Variants in OPCML observed in about 807,000 individuals in gnomAD.
OPCML encodes opioid binding protein/cell adhesion molecule like, also known as opioid-binding protein/cell adhesion molecule.
A neutral mutation model predicts 37.8 loss-of-function variants in OPCML; 13 were observed. The ratio of observed to expected loss-of-function variants is 0.34; its 90% CI spans 0.22 to 0.55. The LOEUF is 0.55. OPCML is among the 20% of genes least tolerant of loss of function. The pLI is 0.91. For synonymous variants in OPCML, 176 were observed against 168.8 expected, an observed-to-expected ratio of 1.04 and a Z score of -0.33; for missense variants, 341 against 435.6, an observed-to-expected ratio of 0.78 and a Z score of 1.93.
At chr11:132,612,130 G>T (rs912087257) in intron 3 of OPCML, among the ~76,000 whole-genome samples, 87 of 152,292 alleles carry the variant, frequency 5.7e-4, no homozygotes, top group African/African-American at 1.8e-3. Flanking sequence ...AATGATTTGG[G>T]CTGATTTATA....
intron 1 of OPCML, among the ~76,000 whole-genome samples, chr11:133,104,577 T>C (rs911854220): frequency 1.4e-4 from 21 of 152,350 alleles, no homozygotes; most frequent in African/African-American, 5.1e-4. Context: ...AATTAAAACA[T>C]GAACTCAGAG....
chr11:133,390,903 T>C (rs1945160925), intron 1 of OPCML, among the ~76,000 whole-genome samples: 1 of 152,180 alleles, frequency 6.6e-6, no homozygotes. Flanking sequence ...GCAATAAAAC[T>C]TCAATGGCTC....
chr11:132,852,702 G>C (rs910975303), intron 2 of OPCML, among the ~76,000 whole-genome samples: 1 of 152,082 alleles, frequency 6.6e-6, no homozygotes, highest in Non-Finnish European at 1.5e-5. Context: ...ATGAAACAGA[G>C]AGAGTAATTT....
chr11:133,364,589 T>C (rs1944499059), intron 1 of OPCML, among the ~76,000 whole-genome samples: 1 of 152,202 alleles, frequency 6.6e-6, no homozygotes. Flanking sequence ...GCCTCAGTTT[T>C]TCCATCCGTA....
At chr11:132,989,322 C>G (rs1379083868) in intron 1 of OPCML, among the ~76,000 whole-genome samples, 2 of 152,046 alleles carry the variant, frequency 1.3e-5, no homozygotes, top group Non-Finnish European at 2.9e-5. Flanking sequence ...AACCACAGCA[C>G]TACAGCAACA....
At chr11:133,226,833 C>T (rs1050678103) in intron 1 of OPCML, among the ~76,000 whole-genome samples, 6 of 152,160 alleles carry the variant, frequency 3.9e-5, no homozygotes, top group Non-Finnish European at 4.4e-5. Context: ...CCCAAACCAG[C>T]GCAGTTTAAC....
chr11:133,133,347 G>A (rs1231141815), intron 1 of OPCML, among the ~76,000 whole-genome samples: 1 of 152,168 alleles, frequency 6.6e-6, no homozygotes, highest in African/African-American at 2.4e-5. Context: ...GCCAGGAAAA[G>A]CTGCCTTGGC....
chr11:133,261,971 C>A (rs149012992), intron 1 of OPCML, among the ~76,000 whole-genome samples: 1 of 152,168 alleles, frequency 6.6e-6, no homozygotes, highest in Admixed American at 6.5e-5. Flanking sequence ...CACCATTGTT[C>A]CTGTCCTGCC....
chr11:132,902,951 C>T (rs1944113775), intron 2 of OPCML, among the ~76,000 whole-genome samples: 1 of 151,958 alleles, frequency 6.6e-6, no homozygotes, highest in Admixed American at 6.6e-5. Context: ...GAAGTTCTGC[C>T]CTCACCTTTG....
At chr11:132,575,538 C>A (rs1443614572) in intron 3 of OPCML, among the ~76,000 whole-genome samples, 1 of 151,938 alleles carries the variant, frequency 6.6e-6, no homozygotes, top group African/African-American at 2.4e-5. Flanking sequence ...AACTTCTCCC[C>A]CCACACTTTG....
At chr11:132,931,667 G>T (rs903060085) in intron 2 of OPCML, among the ~76,000 whole-genome samples, 4 of 152,138 alleles carry the variant, frequency 2.6e-5, no homozygotes, top group African/African-American at 9.7e-5. Flanking sequence ...AATAAGTGTT[G>T]GCAAGAAGGT....
intron 1 of OPCML, among the ~76,000 whole-genome samples, chr11:133,167,821 A>G (rs1950232370): frequency 1.3e-5 from 2 of 151,812 alleles, no homozygotes; most frequent in South Asian, 2.1e-4. Context: ...CTCTATCTCA[A>G]TCTATACCAC....
chr11:132,448,503 T>A (rs1332055693), intron 4 of OPCML, among the ~76,000 whole-genome samples: 1 of 152,132 alleles, frequency 6.6e-6, no homozygotes, highest in African/African-American at 2.4e-5. Context: ...GAGGAAAGGA[T>A]CAGGAGCTGT....
At position 133,050,822 on chromosome 11, in the gene OPCML, T is replaced by A. The variant is rs547879356; in HGVS notation, c.62-107812A>T. ...CCCAGAGAAAGAAGCTCTAAATCAA[T>A]CTATTGGGGAAATATTAATGCTCTC... is the stretch of plus-strand genomic sequence containing the variant. On this transcript the variant is annotated intron_variant, in intron 1 of 7. Transcript: ENST00000524381. Among the ~76,000 whole-genome samples, 255 of 151,938 alleles carry A rather than the reference T, an allele frequency of 1.7e-3. 1 individual carries two copies. Among genetic ancestry groups the A allele is most frequent in the Non-Finnish European group, 2.8e-3 (190 of 67,978 alleles).
intron 2 of OPCML, among the ~76,000 whole-genome samples, chr11:132,832,220 C>CTT (rs1246873320): frequency 0.018 from 2,317 of 125,244 alleles, 28 homozygotes; most frequent in Middle Eastern, 0.049. Context: ...TTCCCAACCT[C>CTT]TTTTTTTTTT....
intron 1 of OPCML, among the ~76,000 whole-genome samples, chr11:133,452,953 T>G (rs776798615): frequency 3.3e-5 from 5 of 152,156 alleles, no homozygotes; most frequent in Non-Finnish European, 5.9e-5. Flanking sequence ...AAATGTATAC[T>G]ATCTTCAGCA....
chr11:133,412,478 A>G (rs1052396780), intron 1 of OPCML, among the ~76,000 whole-genome samples: 37 of 152,186 alleles, frequency 2.4e-4, no homozygotes, highest in African/African-American at 8.7e-4. Context: ...ATGCAGATGG[A>G]TATCCAACAG....
At chr11:132,828,318 C>T (rs980343614) in intron 2 of OPCML, among the ~76,000 whole-genome samples, 5 of 152,094 alleles carry the variant, frequency 3.3e-5, no homozygotes, top group African/African-American at 1.2e-4. Flanking sequence ...ACAACAGATA[C>T]ATGTCATTAC....
intron 4 of OPCML, among the ~76,000 whole-genome samples, chr11:132,499,470 A>T (rs1481120267): frequency 6.6e-6 from 1 of 152,238 alleles, no homozygotes; most frequent in African/African-American, 2.4e-5. Flanking sequence ...GCAAAAGGAC[A>T]TCAGTTGTCT....
Sources: allele counts gnomAD v4.1 joint callset (sites outside exome capture counted in the v4.1 genomes callset), GRCh38; gene constraint gnomAD v4.1.1; transcripts MANE v1.5; gene names NCBI Gene and HGNC (gene_info 2026-07-23, HGNC 2026-07-21).